DOK6: variants seen among roughly 807,000 people sequenced by gnomAD.
DOK6 encodes the protein downstream of tyrosine kinase 6.
Under a neutral mutation model 44.0 loss-of-function variants are expected in DOK6, and 22 were observed. The ratio of observed to expected loss-of-function variants is 0.50; its 90% CI spans 0.36 to 0.71. The LOEUF (loss-of-function observed/expected upper bound fraction) is 0.71, where lower values mean the gene tolerates loss of function less well. Ranked by LOEUF, DOK6 falls within the 30% of genes least tolerant of loss-of-function variation. The probability of loss-of-function intolerance (pLI) is 0.00; values close to 1 mark genes in which losing one functional copy is unlikely to be tolerated. For synonymous variants in DOK6, 166 were observed against 145.5 expected, an observed-to-expected ratio of 1.14 and a Z score of -1.01; for missense variants, 340 against 416.4, an observed-to-expected ratio of 0.82 and a Z score of 1.60.
intron 1 of DOK6, among the ~76,000 whole-genome samples, chr18:69,535,180 G>A (rs1982089037): frequency 6.6e-6 from 1 of 152,052 alleles, no homozygotes; most frequent in African/African-American, 2.4e-5. Context: ...CGTACGTTGT[G>A]CATGTATCTC....
chr18:69,544,237 GAC>G (rs112246215), intron 1 of DOK6, among the ~76,000 whole-genome samples: 7,230 of 151,424 alleles, frequency 0.048, 579 homozygotes, highest in African/African-American at 0.16. Flanking sequence ...CAGCCTGGGT[GAC>G]AGGGCAAGAC....
intron 1 of DOK6, among the ~76,000 whole-genome samples, chr18:69,510,867 A>G (rs1981347637): frequency 6.6e-6 from 1 of 151,920 alleles, no homozygotes; most frequent in African/African-American, 2.4e-5. Context: ...TTCATCTTTG[A>G]TCTCCCCTCC....
At chr18:69,476,336 C>A (rs1980261126) in intron 1 of DOK6, among the ~76,000 whole-genome samples, 1 of 152,064 alleles carries the variant, frequency 6.6e-6, no homozygotes, top group Non-Finnish European at 1.5e-5. Flanking sequence ...AAGAGTAAAA[C>A]ATTTTCTAGG....
At chr18:69,655,505 C>A (rs142025747) in intron 3 of DOK6, among the ~76,000 whole-genome samples, 1 of 151,910 alleles carries the variant, frequency 6.6e-6, no homozygotes, top group Non-Finnish European at 1.5e-5. Context: ...GTAATCCCAG[C>A]ATGTTGGGAG....
At chr18:69,465,846 G>C (rs887374059) in intron 1 of DOK6, among the ~76,000 whole-genome samples, 2 of 151,808 alleles carry the variant, frequency 1.3e-5, no homozygotes, top group Non-Finnish European at 2.9e-5. Flanking sequence ...TGGGTCAAAT[G>C]GTATTTTCTA....
chr18:69,835,864 T>C (rs1293591551), intron 7 of DOK6, among the ~76,000 whole-genome samples: 4 of 152,244 alleles, frequency 2.6e-5, no homozygotes, highest in Non-Finnish European at 5.9e-5. Context: ...AACTATTAAA[T>C]AGCTTTACCA....
At chr18:69,625,043 T>C (rs1984526713) in intron 3 of DOK6, among the ~76,000 whole-genome samples, 1 of 152,172 alleles carries the variant, frequency 6.6e-6, no homozygotes, top group African/African-American at 2.4e-5. Context: ...TAGAACAACT[T>C]GACTTGGCAA....
chr18:69,570,406 T>C (rs12962764), intron 2 of DOK6, among the ~76,000 whole-genome samples: 55,860 of 151,796 alleles, frequency 0.37, 11,685 homozygotes, highest in South Asian at 0.46. Context: ...TCACTGGCTA[T>C]GAAAAAGAGA....
At chr18:69,677,937 T>G in intron 4 of DOK6, 84 bp downstream of exon 4, 6 of 1,495,856 alleles carry the variant, frequency 4.0e-6, no homozygotes, top group Non-Finnish European at 5.4e-6. Flanking sequence ...CAGAAATGTT[T>G]CAGACCAATC....
chr18:69,687,999 G>A (rs1449082417), intron 4 of DOK6, among the ~76,000 whole-genome samples: 1 of 151,990 alleles, frequency 6.6e-6, no homozygotes, highest in Non-Finnish European at 1.5e-5. Context: ...GATGTTGCAG[G>A]ATAACAAGTT....
chr18:69,715,937 G>A (rs1179597459), intron 5 of DOK6, among the ~76,000 whole-genome samples: 1 of 152,168 alleles, frequency 6.6e-6, no homozygotes, highest in Admixed American at 6.5e-5. Context: ...ACTCTATGAA[G>A]ATAATTGGCA....
At chr18:69,736,699 G>A (rs954902061) in intron 5 of DOK6, among the ~76,000 whole-genome samples, 11 of 152,112 alleles carry the variant, frequency 7.2e-5, no homozygotes, top group Admixed American at 5.2e-4. Context: ...TAATTCTTTG[G>A]GTTCATTTGC....
At chr18:69,665,356 GGATA>G (rs1358912550) in intron 3 of DOK6, among the ~76,000 whole-genome samples, 1 of 152,088 alleles carries the variant, frequency 6.6e-6, no homozygotes, top group Non-Finnish European at 1.5e-5. Context: ...AAATGAGATG[GGATA>G]GACAGTTTCA....
intron 1 of DOK6, among the ~76,000 whole-genome samples, chr18:69,482,873 A>T (rs11872289): frequency 0.067 from 10,193 of 152,002 alleles, 1,122 homozygotes; most frequent in African/African-American, 0.22. Context: ...TTTAAAAATT[A>T]TTTATTATTC....
At chr18:69,401,687 G>C (rs190027488) in intron 1 of DOK6, among the ~76,000 whole-genome samples, 145 of 152,336 alleles carry the variant, frequency 9.5e-4, no homozygotes, top group African/African-American at 3.3e-3. Flanking sequence ...TGGAACTGCT[G>C]TGTGTGGCGA....
At chr18:69,502,489 A>G (rs1210763614) in intron 1 of DOK6, among the ~76,000 whole-genome samples, 1 of 152,254 alleles carries the variant, frequency 6.6e-6, no homozygotes, top group South Asian at 2.1e-4. Context: ...TACAGTCAAG[A>G]GTCCCAAGCG....
intron 3 of DOK6, among the ~76,000 whole-genome samples, chr18:69,630,058 A>C (rs1984655201): frequency 6.6e-6 from 1 of 152,058 alleles, no homozygotes; most frequent in African/African-American, 2.4e-5. Flanking sequence ...TACCCTCAGC[A>C]CTTCAGCACA....
intron 2 of DOK6, among the ~76,000 whole-genome samples, chr18:69,598,362 G>A (rs1392167408): frequency 1.3e-5 from 2 of 151,756 alleles, no homozygotes; most frequent in African/African-American, 4.8e-5. Flanking sequence ...GTTATATCCT[G>A]TAAAAATTCT....
chr18:69,469,363 G>T (rs1465359977), intron 1 of DOK6, among the ~76,000 whole-genome samples: 1 of 151,692 alleles, frequency 6.6e-6, no homozygotes, highest in Non-Finnish European at 1.5e-5. Context: ...TATATCAAAT[G>T]CAAGACATTT....
Sources: gnomAD v4.1 joint callset for allele counts (sites outside exome capture counted in the v4.1 genomes callset) on GRCh38, gnomAD v4.1.1 for gene constraint, MANE v1.5 for transcripts, NCBI Gene and HGNC (gene_info 2026-07-23, HGNC 2026-07-21) for gene names.